SPIDR: variants seen among roughly 807,000 people sequenced by gnomAD.
SPIDR encodes scaffold protein involved in DNA repair.
Under a neutral mutation model 104.6 loss-of-function variants are expected in SPIDR, and 93 were observed. The ratio of observed to expected loss-of-function variants is 0.89; its 90% CI spans 0.75 to 1.06. The LOEUF (loss-of-function observed/expected upper bound fraction) is 1.06, where lower values mean the gene tolerates loss of function less well. SPIDR is among the 50% of genes least tolerant of loss of function. The probability of loss-of-function intolerance (pLI) is 0.00; values close to 1 mark genes in which losing one functional copy is unlikely to be tolerated. For missense variants in SPIDR, 1,154 were observed against 1,111.2 expected, an observed-to-expected ratio of 1.04 and a Z score of -0.55; for synonymous variants, 431 against 416.9, an observed-to-expected ratio of 1.03 and a Z score of -0.41.
At chr8:47,397,734 G>A (rs1015192593) in intron 6 of SPIDR, among the ~76,000 whole-genome samples, 7 of 152,170 alleles carry the variant, frequency 4.6e-5, no homozygotes, top group Admixed American at 2.6e-4. Flanking sequence ...AAGGAGTGAC[G>A]ACAGGGTCAT....
intron 8 of SPIDR, among the ~76,000 whole-genome samples, chr8:47,536,606 A>C (rs1365489734): frequency 6.6e-6 from 1 of 152,190 alleles, no homozygotes; most frequent in Non-Finnish European, 1.5e-5. Context: ...TTACACCAAA[A>C]AGTAACTCAA....
chr8:47,727,486 T>C (rs1315096141), intron 17 of SPIDR, among the ~76,000 whole-genome samples, 193 bp downstream of exon 17: 2 of 152,206 alleles, frequency 1.3e-5, no homozygotes, highest in African/African-American at 4.8e-5. Context: ...TTCTGCTGTT[T>C]CTTGCAGCTG....
At chr8:47,431,368 A>G (rs1426982598) in intron 7 of SPIDR, among the ~76,000 whole-genome samples, 1 of 152,188 alleles carries the variant, frequency 6.6e-6, no homozygotes, top group African/African-American at 2.4e-5. Context: ...CCAACATTCA[A>G]TCTGTAACAC....
At chr8:47,535,543 A>G (rs1393003570) in intron 8 of SPIDR, among the ~76,000 whole-genome samples, 2 of 152,196 alleles carry the variant, frequency 1.3e-5, no homozygotes, top group Non-Finnish European at 2.9e-5. Flanking sequence ...ACACATATAA[A>G]AAGAATTATC....
At chr8:47,570,907 A>G (rs559582187) in intron 8 of SPIDR, among the ~76,000 whole-genome samples, 5 of 152,234 alleles carry the variant, frequency 3.3e-5, no homozygotes, top group African/African-American at 1.2e-4. Context: ...CCTGGCCAAT[A>G]TGGTGAAACC....
intron 10 of SPIDR, among the ~76,000 whole-genome samples, chr8:47,643,207 T>C (rs2069511357): frequency 6.6e-6 from 1 of 152,198 alleles, no homozygotes; most frequent in African/African-American, 2.4e-5. Flanking sequence ...CTGAATGTAT[T>C]GTAAGTCAAA....
chr8:47,660,441 C>T, intron 10 of SPIDR: 3 of 985,392 alleles, frequency 3.0e-6, no homozygotes, highest in Non-Finnish European at 3.6e-6. Flanking sequence ...CCAACATGGT[C>T]CAGGCCTCAC....
intron 7 of SPIDR, among the ~76,000 whole-genome samples, chr8:47,438,264 G>C (rs2068733138): frequency 6.6e-6 from 1 of 152,178 alleles, no homozygotes; most frequent in African/African-American, 2.4e-5. Context: ...AGACAGGGGA[G>C]GTTTCAGGCC....
intron 10 of SPIDR, among the ~76,000 whole-genome samples, chr8:47,665,773 T>G (rs929408524): frequency 2.2e-4 from 34 of 152,228 alleles, no homozygotes; most frequent in African/African-American, 8.2e-4. Context: ...TAAAATATCA[T>G]ATTATCAAGG....
intron 1 of SPIDR, among the ~76,000 whole-genome samples, chr8:47,272,810 C>T (rs1171560921): frequency 6.6e-6 from 1 of 152,136 alleles, no homozygotes; most frequent in Non-Finnish European, 1.5e-5. Flanking sequence ...TCCCAAAGTG[C>T]TGGGATTATA....
At chr8:47,490,824 C>A (rs2078574199) in intron 8 of SPIDR, among the ~76,000 whole-genome samples, 1 of 152,048 alleles carries the variant, frequency 6.6e-6, no homozygotes, top group South Asian at 2.1e-4. Context: ...GGAAGGGGAA[C>A]ATCACATACC....
At chr8:47,493,143 G>C (rs1032527943) in intron 8 of SPIDR, among the ~76,000 whole-genome samples, 2 of 151,512 alleles carry the variant, frequency 1.3e-5, no homozygotes, top group African/African-American at 4.8e-5. Context: ...ACATAGGTTT[G>C]TTCTATCTTT....
intron 10 of SPIDR, among the ~76,000 whole-genome samples, chr8:47,640,540 C>G (rs2068697298): frequency 6.6e-6 from 1 of 152,126 alleles, no homozygotes; most frequent in Non-Finnish European, 1.5e-5. Flanking sequence ...ATGTTTTGTC[C>G]TTTAACTTAA....
chr8:47,695,883 A>G (rs1033944122), intron 11 of SPIDR, among the ~76,000 whole-genome samples: 1 of 152,198 alleles, frequency 6.6e-6, no homozygotes, highest in Non-Finnish European at 1.5e-5. Context: ...GCATTGTTTC[A>G]ATGGCAGTGA....
intron 3 of SPIDR, among the ~76,000 whole-genome samples, chr8:47,290,269 A>G (rs1048142836): frequency 6.6e-6 from 1 of 152,126 alleles, no homozygotes; most frequent in Non-Finnish European, 1.5e-5. Context: ...TCTCGATTAT[A>G]TAACATTTTT....
intron 5 of SPIDR, among the ~76,000 whole-genome samples, chr8:47,382,984 G>A (rs1233317729): frequency 1.3e-5 from 2 of 152,150 alleles, no homozygotes; most frequent in East Asian, 1.9e-4. Context: ...ACGGAATTGT[G>A]GAGTCATTTT....
At chr8:47,597,376 T>C (rs1291131599) in intron 9 of SPIDR, among the ~76,000 whole-genome samples, 1 of 152,074 alleles carries the variant, frequency 6.6e-6, no homozygotes, top group Non-Finnish European at 1.5e-5. Context: ...TTTCCCCCAC[T>C]CCACAACAGG....
At chr8:47,402,419 T>G (rs1241983144) in intron 6 of SPIDR, among the ~76,000 whole-genome samples, 2 of 152,116 alleles carry the variant, frequency 1.3e-5, no homozygotes, top group Non-Finnish European at 2.9e-5. Context: ...CAGGAGCTGG[T>G]TTTTTGAAAA....
chr8:47,561,402 C>T (rs1175537752), intron 8 of SPIDR, among the ~76,000 whole-genome samples: 6 of 152,302 alleles, frequency 3.9e-5, no homozygotes, highest in Middle Eastern at 3.4e-3. Flanking sequence ...CCCCTTAAGC[C>T]AGGCTTCAGG....
Sources: gnomAD v4.1 joint callset for allele counts (sites outside exome capture counted in the v4.1 genomes callset) on GRCh38, gnomAD v4.1.1 for gene constraint, MANE v1.5 for transcripts, NCBI Gene and HGNC (gene_info 2026-07-23, HGNC 2026-07-21) for gene names.